Variants in CD2AP observed in about 807,000 individuals in gnomAD.
CD2AP encodes the protein CD2 associated protein.
In CD2AP, 46 loss-of-function variants were observed where a neutral mutation model predicts 85.1. The observed-to-expected ratio is 0.54, with a 90% CI of 0.43 to 0.69. The LOEUF (loss-of-function observed/expected upper bound fraction) is 0.69, where lower values mean the gene tolerates loss of function less well. Among genes scored for constraint, CD2AP ranks in the 30% least tolerant of loss-of-function variants. The probability of loss-of-function intolerance (pLI) is 0.00; values close to 1 mark genes in which losing one functional copy is unlikely to be tolerated. For synonymous variants in CD2AP, 255 were observed against 252.9 expected, an observed-to-expected ratio of 1.01 and a Z score of -0.08; for missense variants, 769 against 729.5, an observed-to-expected ratio of 1.05 and a Z score of -0.62.
At chr6:47,622,925 A>G (rs1182164316) in intron 17 of CD2AP, among the ~76,000 whole-genome samples, 2 of 152,174 alleles carry the variant, frequency 1.3e-5, no homozygotes, top group Non-Finnish European at 2.9e-5. Flanking sequence ...AGTATTGCTG[A>G]TTATGCATGC....
At chr6:47,484,975 C>T (rs1561998164) in intron 1 of CD2AP, among the ~76,000 whole-genome samples, 1 of 152,080 alleles carries the variant, frequency 6.6e-6, no homozygotes, top group Non-Finnish European at 1.5e-5. Context: ...GAGTTGTAGC[C>T]ATCCCACACT....
At position 47,598,102 on chromosome 6, in the gene CD2AP, C is replaced by G. The variant is rs1038438423; in HGVS notation, c.1275-1199C>G. Among the ~76,000 whole-genome samples the G allele has an allele frequency of 1.3e-5, 2 of 150,998 alleles. 1 individual carries two copies. Among genetic ancestry groups the G allele is most frequent in the African/African-American group, 4.8e-5 (2 of 41,328 alleles). On this transcript the variant is annotated intron_variant, in intron 12 of 17. Transcript: ENST00000359314. ...AAACTGGACTAAGTACATGAATAGA[C>G]AGTTCTCAAAAGAAGATATACAAAT...
intron 9 of CD2AP, 109 bp from the exon 10 acceptor site, chr6:47,580,751 TTGAA>T (rs1398029960): frequency 2.7e-6 from 2 of 748,898 alleles, no homozygotes; most frequent in Non-Finnish European, 4.6e-6. Context: ...TTGTCAAGGA[TTGAA>T]TGAAGAGGAG....
intron 3 of CD2AP, among the ~76,000 whole-genome samples, chr6:47,537,533 A>G (rs1355664722): frequency 6.6e-6 from 1 of 152,186 alleles, no homozygotes; most frequent in African/African-American, 2.4e-5. Context: ...CTTCACCTAC[A>G]TATGCTGTTA....
chr6:47,525,400 A>G (rs1465476782), intron 2 of CD2AP, among the ~76,000 whole-genome samples: 3 of 152,158 alleles, frequency 2.0e-5, no homozygotes, highest in Non-Finnish European at 4.4e-5. Context: ...GTGTTTAGGA[A>G]TTTGGTGACT....
At chr6:47,579,309 TG>T in intron 8 of CD2AP, 75 bp from the exon 9 acceptor site, 1 of 879,680 alleles carries the variant, frequency 1.1e-6, no homozygotes, top group East Asian at 2.7e-5. Flanking sequence ...CACTTCAGCC[TG>T]GCCAACAGAG....
At chr6:47,511,286 A>G (rs1766308385) in intron 2 of CD2AP, among the ~76,000 whole-genome samples, 1 of 152,148 alleles carries the variant, frequency 6.6e-6, no homozygotes. Context: ...AAAACCTCAG[A>G]CAAACTAAAT....
At chr6:47,512,636 A>G (rs1766348861) in intron 2 of CD2AP, among the ~76,000 whole-genome samples, 1 of 152,238 alleles carries the variant, frequency 6.6e-6, no homozygotes, top group Non-Finnish European at 1.5e-5. Flanking sequence ...GTATTTTACA[A>G]AGGATATTGA....
At chr6:47,481,669 T>C (rs187591341) in intron 1 of CD2AP, among the ~76,000 whole-genome samples, 1 of 152,186 alleles carries the variant, frequency 6.6e-6, no homozygotes, top group African/African-American at 2.4e-5. Context: ...AATAGACAAA[T>C]TTGTGGTTGG....
chr6:47,548,914 AATATG>A (rs1467166567), intron 4 of CD2AP, among the ~76,000 whole-genome samples: 2 of 152,224 alleles, frequency 1.3e-5, no homozygotes, highest in East Asian at 1.9e-4. Context: ...CAAGTCAGTA[AATATG>A]ATATGTCACA....
rs184221001 is a variant in CD2AP, at chr6:47,479,618, G to A, written c.4+1370G>A. On this transcript the variant is annotated intron_variant, in intron 1 of 17. Transcript: ENST00000359314. The stretch of plus-strand genomic sequence containing the variant: ...GGCAATTGTGGGCATATTCTTTTAA[G>A]TATGAAATTATAAAATCACTTTAAC... Among the ~76,000 whole-genome samples, 228 of 152,248 alleles carry A rather than the reference G, an allele frequency of 1.5e-3. 1 individual carries two copies. The highest frequency in any genetic ancestry group is 2.3e-3 in the Non-Finnish European group (159 of 68,006).
intron 1 of CD2AP, 108 bp downstream of exon 1, chr6:47,478,356 G>A: frequency 7.9e-7 from 1 of 1,268,542 alleles, no homozygotes; most frequent in Admixed American, 2.0e-5. Context: ...CCCCTGAGCG[G>A]CAGCACCCCA....
At chr6:47,621,964 T>A (rs1258734178) in intron 17 of CD2AP, among the ~76,000 whole-genome samples, 6 of 152,118 alleles carry the variant, frequency 3.9e-5, no homozygotes, top group African/African-American at 1.4e-4. Context: ...GGCCATCAGG[T>A]TGGGGCAGGG....
chr6:47,577,286 G>C (rs1175825233), intron 8 of CD2AP, among the ~76,000 whole-genome samples, 183 bp downstream of exon 8: 4 of 152,062 alleles, frequency 2.6e-5, no homozygotes, highest in Non-Finnish European at 4.4e-5. Flanking sequence ...TTCTCTTTTT[G>C]AGCTAACTTT....
intron 11 of CD2AP, among the ~76,000 whole-genome samples, chr6:47,592,523 C>T (rs1224076076): frequency 6.6e-6 from 1 of 152,044 alleles, no homozygotes; most frequent in Admixed American, 6.6e-5. Flanking sequence ...GCTCCTAAAA[C>T]CCTTGAAATT....
chr6:47,622,490 G>C (rs1461155058), intron 17 of CD2AP, among the ~76,000 whole-genome samples: 1 of 152,142 alleles, frequency 6.6e-6, no homozygotes, highest in Non-Finnish European at 1.5e-5. Flanking sequence ...CCTGCTTGGG[G>C]ACTCAGCAAG....
chr6:47,600,023 C>T (rs1485785), intron 13 of CD2AP, among the ~76,000 whole-genome samples: 37,544 of 151,024 alleles, frequency 0.25, 5,384 homozygotes, highest in East Asian at 0.6. Context: ...AAACTTGAAA[C>T]GGAGAACTCT....
chr6:47,537,196 G>A (rs1184360237), intron 3 of CD2AP, among the ~76,000 whole-genome samples: 2 of 152,150 alleles, frequency 1.3e-5, no homozygotes, highest in Non-Finnish European at 2.9e-5. Context: ...AAACCTTTGG[G>A]TAGCAAATAG....
At chr6:47,593,646 G>A (rs989507242) in intron 11 of CD2AP, among the ~76,000 whole-genome samples, 2 of 151,864 alleles carry the variant, frequency 1.3e-5, no homozygotes, top group Non-Finnish European at 2.9e-5. Flanking sequence ...TTTTAAGAAA[G>A]GAAAATAAGT....
Sources: allele counts gnomAD v4.1 joint callset (sites outside exome capture counted in the v4.1 genomes callset), GRCh38; gene constraint gnomAD v4.1.1; transcripts MANE v1.5; gene names NCBI Gene and HGNC (gene_info 2026-07-23, HGNC 2026-07-21).